The following CDKL3 variants were observed in gnomAD, a reference collection of about 807,000 sequenced individuals.
CDKL3 encodes the protein cyclin dependent kinase like 3, also known as cyclin-dependent kinase-like 3.
Under a neutral mutation model 69.3 loss-of-function variants are expected in CDKL3, and 65 were observed. The ratio of observed to expected loss-of-function variants is 0.94; its 90% CI spans 0.77 to 1.15. The LOEUF is 1.15. Ranked by LOEUF, CDKL3 falls within the 50% of genes most tolerant of loss-of-function variation. CDKL3 has a pLI of 0.00. For synonymous variants in CDKL3, 202 were observed against 221.6 expected (o/e 0.91, Z 0.79); for missense variants, 652 against 689.2 (o/e 0.95, Z 0.61).
intron 4 of CDKL3, among the ~76,000 whole-genome samples, chr5:134,322,370 T>C (rs1268571782): frequency 6.6e-6 from 1 of 152,202 alleles, no homozygotes; most frequent in Non-Finnish European, 1.5e-5. Flanking sequence ...GTAATTGCTA[T>C]ATTGGTGAGG....
chr5:134,302,633 A>G lies in CDKL3; in HGVS notation c.1676T>C (p.Ile559Thr). 6.2e-7 allele frequency: 1 copy of G among 1,603,978 alleles called. No individual in the cohort carries two copies. Among genetic ancestry groups the G allele is most frequent in the Non-Finnish European group, 8.5e-7 (1 of 1,174,988 alleles). ...TTGATCCACGTTAAGTAAAGTTGGTATCTTAGATGACTCTGTTTTCTTTGA... is the reference window on the plus strand; with the variant it reads ...TTGATCCACGTTAAGTAAAGTTGGTGTCTTAGATGACTCTGTTTTCTTTGA... ...RESKKTESSK[I>T]PTLLNVDQNQ... The change falls in exon 12 of 13, where the codon ATA becomes ACA. Residue 559 changes from isoleucine (I) to threonine (T), a missense_variant. Transcript: ENST00000265334.
At chr5:134,345,933 T>C (rs549339405) in intron 4 of CDKL3, among the ~76,000 whole-genome samples, 1 of 152,294 alleles carries the variant, frequency 6.6e-6, no homozygotes, top group Admixed American at 6.5e-5. Context: ...CCTGAAAGTA[T>C]GGTGCTTTGG....
At chr5:134,356,354 A>T (rs1754613265) in intron 3 of CDKL3, among the ~76,000 whole-genome samples, 1 of 152,216 alleles carries the variant, frequency 6.6e-6, no homozygotes, top group Non-Finnish European at 1.5e-5. Context: ...CTGCTCGCCC[A>T]CCACTCATCT....
chr5:134,351,215 TTCTC>T (rs1201630392), intron 3 of CDKL3, among the ~76,000 whole-genome samples: 1 of 152,282 alleles, frequency 6.6e-6, no homozygotes, highest in South Asian at 2.1e-4. Flanking sequence ...CAGCTCCTCT[TTCTC>T]TGTCTGTTCC....
chr5:134,347,853 T>C (rs1752323840), intron 4 of CDKL3, among the ~76,000 whole-genome samples: 1 of 152,126 alleles, frequency 6.6e-6, no homozygotes, highest in Non-Finnish European at 1.5e-5. Flanking sequence ...GATAGGAGTT[T>C]ATCTAGGCCT....
chr5:134,302,134 G>A, intron 12 of CDKL3: 3 of 456,198 alleles, frequency 6.6e-6, no homozygotes, highest in Non-Finnish European at 1.3e-5. Context: ...ATTTCAACAA[G>A]ATTACCTGAT....
chr5:134,301,035 G>T (rs1016482591), intron 12 of CDKL3, among the ~76,000 whole-genome samples: 3 of 150,998 alleles, frequency 2.0e-5, no homozygotes, highest in Admixed American at 1.3e-4. Context: ...CACTCTTGTT[G>T]TCTAGGCTGG....
chr5:134,292,904 T>C (rs1277513979), intron 8 of CDKL3, among the ~76,000 whole-genome samples: 1 of 150,724 alleles, frequency 6.6e-6, no homozygotes, highest in Non-Finnish European at 1.5e-5. Flanking sequence ...AAAGAAAATC[T>C]GAATATCTCT....
intron 4 of CDKL3, among the ~76,000 whole-genome samples, chr5:134,338,717 T>TA (rs978925171): frequency 5.4e-5 from 8 of 149,216 alleles, no homozygotes; most frequent in Non-Finnish European, 1.0e-4. Context: ...ACACAGATAG[T>TA]AAAAAAAATT....
At position 134,366,562 on chromosome 5, in the gene CDKL3, AAGAAAAT is replaced by A; in HGVS notation, c.-21-25_-21-19del. 1 of 1,456,350 alleles carries A rather than the reference AAGAAAAT, an allele frequency of 6.9e-7. No homozygotes were observed. The highest frequency in any genetic ancestry group is 1.4e-5 in the African/African-American group (1 of 69,980). 90.2% of individuals were successfully genotyped at this position (1,456,350 alleles called of 1,614,324 possible). On this transcript the variant is annotated intron_variant, in intron 1 of 12. Transcript: ENST00000265334. ...TTTTACTACTTTATAGAAATAAAGA[AAGAAAAT>A]GGAAAATGTTAAACGTTTATACTTT... is the stretch of plus-strand genomic sequence containing the variant.
downstream of CDKL3, among the ~76,000 whole-genome samples, chr5:134,285,208 CAGTAGGG>C (rs1245275911): frequency 5.6e-4 from 86 of 152,306 alleles, no homozygotes; most frequent in African/African-American, 2.0e-3. Context: ...GGTGGTGCCC[CAGTAGGG>C]ACTCTGTGTG....
upstream of CDKL3, chr5:134,371,555 A>C (rs1393823295): frequency 1.3e-6 from 2 of 1,583,904 alleles, no homozygotes; most frequent in Non-Finnish European, 1.7e-6. Flanking sequence ...GCTGCGCGGG[A>C]CTTTTTTTTT....
At chr5:134,344,388 C>A (rs1751285162) in intron 4 of CDKL3, among the ~76,000 whole-genome samples, 1 of 152,086 alleles carries the variant, frequency 6.6e-6, no homozygotes, top group South Asian at 2.1e-4. Flanking sequence ...ACTTGTAAAT[C>A]ACATATCTGA....
chr5:134,289,949 A>AT (rs1765049431), intron 8 of CDKL3, among the ~76,000 whole-genome samples: 1 of 152,102 alleles, frequency 6.6e-6, no homozygotes, highest in Non-Finnish European at 1.5e-5. Context: ...GTGACTTACT[A>AT]TGTGGAGTGC....
chr5:134,284,783 G>C (rs1764785452), downstream of CDKL3, among the ~76,000 whole-genome samples: 2 of 152,208 alleles, frequency 1.3e-5, no homozygotes, highest in Admixed American at 1.3e-4. Flanking sequence ...TCTGCAAGAA[G>C]AGAAATATGA....
chr5:134,354,055 C>A (rs1033051260), intron 3 of CDKL3, among the ~76,000 whole-genome samples: 1 of 152,192 alleles, frequency 6.6e-6, no homozygotes, highest in Non-Finnish European at 1.5e-5. Flanking sequence ...GCTGCTCCAA[C>A]TGCCTGGCCA....
At position 134,312,366 on chromosome 5, in the gene CDKL3, A is replaced by G. The variant is rs1769785465; in HGVS notation, c.807T>C (p.Ile269=). The G allele has an allele frequency of 6.3e-7, 1 of 1,591,998 alleles. No homozygotes were observed. The highest frequency in any genetic ancestry group is 8.6e-7 in the Non-Finnish European group (1 of 1,169,438). ...LADIVHACLQ[I]DPADRISSSD... ...TAGATGATATCCTGTCAGCAGGATCAATTTGTAAACAAGCCTAGGAAAGGA... is the reference window on the plus strand; with the variant it reads ...TAGATGATATCCTGTCAGCAGGATCGATTTGTAAACAAGCCTAGGAAAGGA... The change falls in exon 7 of 13, where the codon ATT becomes ATC. Residue 269 remains isoleucine (I), a synonymous_variant. Coordinates refer to ENST00000265334, the MANE Select transcript of CDKL3 (RefSeq NM_001113575.2).
At chr5:134,366,658 A>C (rs1757509426) in intron 1 of CDKL3, 114 bp from the exon 2 acceptor site, 4 of 218,164 alleles carry the variant, frequency 1.8e-5, no homozygotes, top group Non-Finnish European at 3.3e-5. Flanking sequence ...TAGAGACATT[A>C]AAAAAAAAAA....
intron 4 of CDKL3, among the ~76,000 whole-genome samples, chr5:134,338,772 A>G (rs533518813): frequency 6.6e-6 from 1 of 152,302 alleles, no homozygotes; most frequent in Non-Finnish European, 1.5e-5. Context: ...TTAATGCAAA[A>G]TAATGCAGCA....
Sources: allele counts gnomAD v4.1 joint callset (sites outside exome capture counted in the v4.1 genomes callset), GRCh38; gene constraint gnomAD v4.1.1; transcripts MANE v1.5; gene names NCBI Gene and HGNC (gene_info 2026-07-23, HGNC 2026-07-21).